The following LRCH3 variants were observed in gnomAD, a reference collection of about 807,000 sequenced individuals.
LRCH3 encodes the protein DISP complex protein LRCH3.
A neutral mutation model predicts 104.5 loss-of-function variants in LRCH3; 68 were observed. The observed-to-expected ratio is 0.65, with a 90% CI of 0.54 to 0.80. The LOEUF (loss-of-function observed/expected upper bound fraction) is 0.80. Ranked by LOEUF, LRCH3 falls within the 30% of genes least tolerant of loss-of-function variation. The pLI, the probability that LRCH3 is intolerant of heterozygous loss-of-function variation, is 0.00. For synonymous variants in LRCH3, 344 were observed against 361.3 expected, an observed-to-expected ratio of 0.95 and a Z score of 0.54; for missense variants, 951 against 953.9, an observed-to-expected ratio of 1.00 and a Z score of 0.04.
At chr3:197,799,015 C>T (rs116778212) in intron 1 of LRCH3, among the ~76,000 whole-genome samples, 1,527 of 152,174 alleles carry the variant, frequency 0.01, 24 homozygotes, top group African/African-American at 0.035. Flanking sequence ...GTTAGACTCC[C>T]CTGAGATTGG....
At chr3:197,805,814 A>G (rs1732416997) in intron 1 of LRCH3, among the ~76,000 whole-genome samples, 1 of 152,166 alleles carries the variant, frequency 6.6e-6, no homozygotes, top group South Asian at 2.1e-4. Context: ...ATTTTAAGGT[A>G]TCGGTACTTA....
intron 10 of LRCH3, among the ~76,000 whole-genome samples, chr3:197,846,323 G>C (rs1444375593): frequency 6.7e-6 from 1 of 150,214 alleles, no homozygotes; most frequent in African/African-American, 2.5e-5. Flanking sequence ...ATTATCGCTT[G>C]AGGCCAGGAG....
chr3:197,850,304 A>C, intron 12 of LRCH3: 1 of 640,568 alleles, frequency 1.6e-6, no homozygotes, highest in Non-Finnish European at 2.7e-6. Flanking sequence ...TACATTATAT[A>C]TATTTACTCA....
Position 197,879,524 on chromosome 3 carries a change from T to C in LRCH3, c.2208+3749T>C, listed in dbSNP as rs1216970338. Among the ~76,000 whole-genome samples the C allele has an allele frequency of 3.3e-5, 5 of 151,452 alleles. 1 individual carries two copies. Among genetic ancestry groups the C allele is most frequent in the Admixed American group, 2.0e-4 (3 of 15,248 alleles). On this transcript the variant is annotated intron_variant, in intron 20 of 20. Transcript: ENST00000425562. ...AGCCGGGCGTGGTGGCGGGCGCCTG[T>C]AGTCCCAGCTGCTCGGGAGGCTGAG...
intron 5 of LRCH3, among the ~76,000 whole-genome samples, chr3:197,827,864 G>A (rs1580681083): frequency 6.6e-6 from 1 of 151,930 alleles, no homozygotes; most frequent in Non-Finnish European, 1.5e-5. Context: ...AGATCATGAG[G>A]TCAGGAGATC....
intron 4 of LRCH3, among the ~76,000 whole-genome samples, chr3:197,825,881 TA>T (rs1458074204): frequency 6.6e-6 from 1 of 152,230 alleles, no homozygotes; most frequent in Non-Finnish European, 1.5e-5. Context: ...GCTACCATTA[TA>T]TTTTTTCATT....
intron 9 of LRCH3, among the ~76,000 whole-genome samples, chr3:197,836,972 C>T (rs554338738): frequency 6.6e-6 from 1 of 152,296 alleles, no homozygotes; most frequent in South Asian, 2.1e-4. Flanking sequence ...GCCACCGCAC[C>T]CAGCCAGTAT....
chr3:197,853,569 T>G (rs1739906507), intron 13 of LRCH3, among the ~76,000 whole-genome samples: 1 of 152,198 alleles, frequency 6.6e-6, no homozygotes, highest in Non-Finnish European at 1.5e-5. Flanking sequence ...TGACTTTGCT[T>G]TTCATAAAAT....
chr3:197,794,046 T>A (rs1365775433), intron 1 of LRCH3, among the ~76,000 whole-genome samples: 2 of 152,234 alleles, frequency 1.3e-5, no homozygotes, highest in African/African-American at 4.8e-5. Flanking sequence ...ATCCCCACTT[T>A]ACATGTGAGG....
At chr3:197,879,463 G>A (rs574880297) in intron 20 of LRCH3, among the ~76,000 whole-genome samples, 6,758 of 149,954 alleles carry the variant, frequency 0.045, 290 homozygotes, top group African/African-American at 0.11. Context: ...TGGCTAACAT[G>A]GTGAAACCCC....
chr3:197,817,452 T>G (rs929564566), intron 3 of LRCH3, 150 bp downstream of exon 3: 4 of 203,362 alleles, frequency 2.0e-5, no homozygotes, highest in Non-Finnish European at 3.6e-5. Flanking sequence ...ATTATTGATA[T>G]ATGTTTTTGA....
At position 197,854,914 on chromosome 3, in the gene LRCH3, TC is replaced by T. The variant is rs1457641797; in HGVS notation, c.1644+471del. ...TTAAATACTTACAGCTCAAGATTAT[TC>T]CTTCATGTTCACTTTTTAAACCCAA... On this transcript the variant is annotated intron_variant, in intron 14 of 20. Coordinates refer to ENST00000425562, the MANE Select transcript of LRCH3 (RefSeq NM_001365715.1). The surrounding 1 kb of genome is among the most constrained non-coding windows in gnomAD (Gnocchi z 4.5). 7.9e-5 allele frequency among the ~76,000 whole-genome samples: 12 copies of T among 152,234 alleles called. No homozygotes were observed. Among genetic ancestry groups the T allele is most frequent in the Non-Finnish European group, 1.6e-4 (11 of 68,044 alleles).
Position 197,804,367 on chromosome 3 carries a change from ATGTACATGG to A in LRCH3, c.263-10539_263-10531del, listed in dbSNP as rs146405030. Among the ~76,000 whole-genome samples, 398 of 152,280 alleles carry A rather than the reference ATGTACATGG, an allele frequency of 2.6e-3. 1 individual carries two copies. The highest frequency in any genetic ancestry group is 9.1e-3 in the African/African-American group (380 of 41,550). Reference sequence around the variant, plus strand: ...ATGATGTGCTGAACATATCATGGATATGTACATGGTTAGAGTTTGATGTTAGCAAGTCCT... The same window carrying A: ...ATGATGTGCTGAACATATCATGGATATTAGAGTTTGATGTTAGCAAGTCCT... On this transcript the variant is annotated intron_variant, in intron 1 of 20. Transcript: ENST00000425562.
intron 1 of LRCH3, among the ~76,000 whole-genome samples, chr3:197,806,130 T>A (rs1732460146): frequency 6.6e-6 from 1 of 152,060 alleles, no homozygotes; most frequent in Non-Finnish European, 1.5e-5. Context: ...TTCTCCATAT[T>A]GGTCAGGCTG....
chr3:197,867,753 G>T (rs1277874657), intron 17 of LRCH3, among the ~76,000 whole-genome samples: 1 of 152,118 alleles, frequency 6.6e-6, no homozygotes, highest in Non-Finnish European at 1.5e-5. Context: ...TACTCGGGAG[G>T]CTGAGGCAGG....
chr3:197,871,673 G>C, intron 19 of LRCH3: 1 of 550,618 alleles, frequency 1.8e-6, no homozygotes, highest in Admixed American at 3.4e-5. Flanking sequence ...GGCATGTACA[G>C]TGTGTGTTAT....
chr3:197,814,319 G>T (rs1419571748), intron 1 of LRCH3, among the ~76,000 whole-genome samples: 1 of 152,178 alleles, frequency 6.6e-6, no homozygotes, highest in East Asian at 1.9e-4. Flanking sequence ...AGAATAACAC[G>T]GAAAAACCGG....
intron 18 of LRCH3, among the ~76,000 whole-genome samples, chr3:197,870,771 C>T (rs752480129): frequency 1.3e-5 from 2 of 150,590 alleles, no homozygotes; most frequent in Admixed American, 6.6e-5. Flanking sequence ...CTTCCGCGCC[C>T]GGCTGTAATT....
At chr3:197,830,934 C>A in intron 7 of LRCH3, 71 bp downstream of exon 7, 1 of 1,294,734 alleles carries the variant, frequency 7.7e-7, no homozygotes, top group Non-Finnish European at 1.1e-6. Flanking sequence ...AAATGAAAAG[C>A]GTCTTAACTG....
Sources: gnomAD v4.1 joint callset for allele counts (sites outside exome capture counted in the v4.1 genomes callset) on GRCh38, gnomAD v4.1.1 for gene constraint, Gnocchi (gnomAD v3.1) non-coding constraint, MANE v1.5 for transcripts, NCBI Gene and HGNC (gene_info 2026-07-23, HGNC 2026-07-21) for gene names.